Variants in DOCK5 observed in about 807,000 individuals in gnomAD.
DOCK5 encodes the protein dedicator of cytokinesis 5.
Under a neutral mutation model 251.8 loss-of-function variants are expected in DOCK5, and 142 were observed. That is an observed-to-expected ratio of 0.56 (90% CI 0.49 to 0.65). The LOEUF is 0.65. Ranked by LOEUF, DOCK5 falls within the 30% of genes least tolerant of loss-of-function variation. The pLI is 0.00. For missense variants in DOCK5, 2,111 were observed against 2,312.3 expected, an observed-to-expected ratio of 0.91 and a Z score of 1.79; for synonymous variants, 842 against 835.5, an observed-to-expected ratio of 1.01 and a Z score of -0.13.
chr8:25,375,109 C>T (rs949879936), intron 37 of DOCK5: 7 of 628,394 alleles, frequency 1.1e-5, no homozygotes, highest in African/African-American at 4.0e-5. Flanking sequence ...TAGCCCTGAG[C>T]ACCTTCTCTA....
chr8:25,399,573 T>C (rs1291524847), intron 45 of DOCK5, among the ~76,000 whole-genome samples: 3 of 152,270 alleles, frequency 2.0e-5, no homozygotes, highest in South Asian at 4.1e-4. Context: ...CCTTGAGATA[T>C]TGCCATTTCG....
chr8:25,364,893 C>A, intron 30 of DOCK5, 189 bp downstream of exon 30: 1 of 466,916 alleles, frequency 2.1e-6, no homozygotes, highest in Non-Finnish European at 3.8e-6. Flanking sequence ...GGGGTGGTTT[C>A]TTCTTTCTAT....
chr8:25,371,844 G>C (rs549637865), intron 34 of DOCK5, among the ~76,000 whole-genome samples: 1 of 152,220 alleles, frequency 6.6e-6, no homozygotes, highest in South Asian at 2.1e-4. Context: ...CCTAAATCTG[G>C]ATTAATGTGT....
chr8:25,242,709 C>G (rs1333271560), intron 1 of DOCK5, among the ~76,000 whole-genome samples: 2 of 152,158 alleles, frequency 1.3e-5, no homozygotes, highest in African/African-American at 4.8e-5. Context: ...TTTTTCACAA[C>G]CCGGCCCAGC....
intron 25 of DOCK5, among the ~76,000 whole-genome samples, 184 bp downstream of exon 25, chr8:25,342,691 GTTTTTTTT>G (rs1201632677): frequency 4.2e-5 from 3 of 72,068 alleles, no homozygotes; most frequent in Admixed American, 2.2e-4. Flanking sequence ...GTTTTTTCTT[GTTTTTTTT>G]TTTTTTTTTT....
intron 26 of DOCK5, among the ~76,000 whole-genome samples, chr8:25,350,443 C>T (rs59699914): frequency 0.012 from 1,788 of 152,180 alleles, 25 homozygotes; most frequent in African/African-American, 0.041. Context: ...CCTACTAATT[C>T]CAATAAGAAA....
chr8:25,236,818 C>T (rs942137323), intron 1 of DOCK5, among the ~76,000 whole-genome samples: 40 of 151,526 alleles, frequency 2.6e-4, no homozygotes, highest in African/African-American at 5.3e-4. Flanking sequence ...AAGCTGGTCT[C>T]GAACTCCTGA....
intron 2 of DOCK5, among the ~76,000 whole-genome samples, chr8:25,252,460 C>A (rs1307218165): frequency 6.6e-6 from 1 of 152,206 alleles, no homozygotes; most frequent in Non-Finnish European, 1.5e-5. Context: ...AGAAATACTG[C>A]CTTTCTCATA....
chr8:25,274,301 A>T (rs1803986846), intron 3 of DOCK5, among the ~76,000 whole-genome samples: 1 of 152,162 alleles, frequency 6.6e-6, no homozygotes, highest in South Asian at 2.1e-4. Flanking sequence ...CATGGAGTTC[A>T]CACCAACTCT....
intron 22 of DOCK5, among the ~76,000 whole-genome samples, chr8:25,339,045 T>C (rs1442106148): frequency 6.6e-6 from 1 of 152,130 alleles, no homozygotes; most frequent in East Asian, 1.9e-4. Context: ...TTTTCCCTTA[T>C]ATGTTATTAA....
intron 45 of DOCK5, among the ~76,000 whole-genome samples, chr8:25,398,658 T>A (rs902633885): frequency 1.3e-5 from 2 of 152,218 alleles, no homozygotes; most frequent in Non-Finnish European, 2.9e-5. Flanking sequence ...GTCTTGTCGA[T>A]GGCCATCTTC....
At chr8:25,377,981 G>A (rs1800994848) in intron 38 of DOCK5, among the ~76,000 whole-genome samples, 1 of 151,902 alleles carries the variant, frequency 6.6e-6, no homozygotes, top group Non-Finnish European at 1.5e-5. Flanking sequence ...GAACTCCTGG[G>A]CTCCAGTGAT....
chr8:25,364,472 A>T lies in DOCK5; in HGVS notation c.3045-154A>T, dbSNP rs2117273045. On this transcript the variant is annotated intron_variant, in intron 29 of 51. Transcript: ENST00000276440. The stretch of plus-strand genomic sequence containing the variant: ...CTGACCTCCTGTGCCCCATCTGCGG[A>T]TGGTGTTATGCTGTTGTCTGCAAGG... Among the ~76,000 whole-genome samples the T allele has an allele frequency of 3.9e-5, 6 of 152,094 alleles. No individual in the cohort carries two copies. In the South Asian group the frequency reaches 1.2e-3, roughly 32 times the overall value.
chr8:25,368,076 T>C, intron 31 of DOCK5, 116 bp from the exon 32 acceptor site: 1 of 760,936 alleles, frequency 1.3e-6, no homozygotes, highest in South Asian at 1.8e-5. Flanking sequence ...TCTCTTAAGG[T>C]TGGGCCTTAA....
intron 28 of DOCK5, among the ~76,000 whole-genome samples, chr8:25,359,883 G>T (rs1800645821): frequency 6.6e-6 from 1 of 152,234 alleles, no homozygotes. Context: ...CATAGTTGCT[G>T]TGAAGCACTC....
Position 25,210,064 on chromosome 8 carries a change from G to C in DOCK5, c.43+25113G>C, listed in dbSNP as rs1216142447. 1.0e-3 allele frequency among the ~76,000 whole-genome samples: 26 copies of C among 25,052 alleles called. 3 individuals are homozygous for C. The highest frequency in any genetic ancestry group is 2.0e-3 in the African/African-American group (16 of 7,822). The allele number at this position is 25,052 out of a possible 152,430, so 16.4% of individuals were successfully genotyped here. ...TGTGTGTGTGTGTGTGTGTGTGTGT[G>C]TGTGTATCTGTCTATTTATCTATCT... On this transcript the variant is annotated intron_variant, in intron 1 of 51. Coordinates refer to ENST00000276440, the MANE Select transcript of DOCK5 (RefSeq NM_024940.8).
chr8:25,332,101 T>C (rs943078400), intron 18 of DOCK5, 150 bp from the exon 19 acceptor site: 5 of 506,376 alleles, frequency 9.9e-6, no homozygotes, highest in Non-Finnish European at 1.8e-5. Context: ...CTGACTTAGA[T>C]AGGAGATAGT....
chr8:25,393,944 T>C (rs1801302769), intron 44 of DOCK5, among the ~76,000 whole-genome samples: 1 of 152,342 alleles, frequency 6.6e-6, no homozygotes, highest in African/African-American at 2.4e-5. Context: ...TTATAAGTCA[T>C]GGCTAGGTAC....
chr8:25,317,858 A>G (rs1586324252), intron 14 of DOCK5, among the ~76,000 whole-genome samples: 1 of 151,710 alleles, frequency 6.6e-6, no homozygotes, highest in Non-Finnish European at 1.5e-5. Flanking sequence ...TGATCCACCT[A>G]CCTTGGCCTC....
Sources: allele counts gnomAD v4.1 joint callset (sites outside exome capture counted in the v4.1 genomes callset), GRCh38; gene constraint gnomAD v4.1.1; transcripts MANE v1.5; gene names NCBI Gene and HGNC (gene_info 2026-07-23, HGNC 2026-07-21).